The following SLC12A1 variants were observed in gnomAD, a reference collection of about 807,000 sequenced individuals.
The protein encoded by SLC12A1 is solute carrier family 12 member 1.
A neutral mutation model predicts 130.4 loss-of-function variants in SLC12A1; 89 were observed. The observed-to-expected ratio is 0.68, with a 90% CI of 0.58 to 0.81. The LOEUF is 0.81. SLC12A1 is among the 40% of genes least tolerant of loss of function. The pLI, the probability that SLC12A1 is intolerant of heterozygous loss-of-function variation, is 0.00. For synonymous variants in SLC12A1, 499 were observed against 460.0 expected (o/e 1.08, Z -1.09); for missense variants, 1,310 against 1,336.4 (o/e 0.98, Z 0.31).
chr15:48,215,338 T>C (rs2041108407), intron 2 of SLC12A1, among the ~76,000 whole-genome samples: 1 of 152,238 alleles, frequency 6.6e-6, no homozygotes, highest in South Asian at 2.1e-4. Context: ...TCCTTTCTTT[T>C]CATTTTTTAA....
At chr15:48,250,674 C>CCCCACACACACACACACA (rs750040638) in intron 14 of SLC12A1, among the ~76,000 whole-genome samples, 12 of 56,128 alleles carry the variant, frequency 2.1e-4, no homozygotes, top group African/African-American at 1.1e-3. Flanking sequence ...AAAATGTCTG[C>CCCCACACACACACACACA]CTCACACACA....
chr15:48,257,928 T>A (rs1056991476), intron 16 of SLC12A1, among the ~76,000 whole-genome samples: 2 of 151,760 alleles, frequency 1.3e-5, no homozygotes, highest in Admixed American at 6.6e-5. Context: ...TTTTTCCAAC[T>A]TTTTTGCTCT....
chr15:48,217,874 G>A (rs2041144520), intron 2 of SLC12A1: 1 of 152,468 alleles, frequency 6.6e-6, no homozygotes, highest in African/African-American at 2.4e-5. Context: ...TGGCACAACT[G>A]TGGTTCACTG....
chr15:48,259,079 A>G lies in SLC12A1; in HGVS notation c.2043-121A>G, dbSNP rs111975711. The G allele has an allele frequency of 1.8e-4, 118 of 642,334 alleles. 1 individual carries two copies. In the African/African-American group the frequency reaches 2.0e-3, roughly 11 times the overall value. 39.8% of individuals were successfully genotyped at this position (642,334 alleles called of 1,614,324 possible). ...AGAATACTGGTGCGAAACCCAAAAAATAGATAGGGGAGAGGTTGCCCCATT... is the reference window on the plus strand; with the variant it reads ...AGAATACTGGTGCGAAACCCAAAAAGTAGATAGGGGAGAGGTTGCCCCATT... On this transcript the variant is annotated intron_variant, in intron 16 of 26. Coordinates refer to ENST00000380993, the MANE Select transcript of SLC12A1 (RefSeq NM_000338.3).
intron 20 of SLC12A1, among the ~76,000 whole-genome samples, chr15:48,277,434 C>G (rs886769611): frequency 1.3e-5 from 2 of 152,044 alleles, no homozygotes; most frequent in Non-Finnish European, 2.9e-5. Context: ...GAAGATGATG[C>G]ACAATAGTCT....
At chr15:48,271,479 A>G (rs1055636462) in intron 19 of SLC12A1, among the ~76,000 whole-genome samples, 2 of 151,792 alleles carry the variant, frequency 1.3e-5, no homozygotes, top group African/African-American at 4.9e-5. Flanking sequence ...AAAGCAGGCT[A>G]TTTCTTCTAC....
chr15:48,258,168 C>T lies in SLC12A1; in HGVS notation c.2043-1032C>T, dbSNP rs945440107. Among the ~76,000 whole-genome samples the T allele has an allele frequency of 1.1e-4, 8 of 73,676 alleles. 3 individuals are homozygous for T. The highest frequency in any genetic ancestry group is 6.3e-4 in the African/African-American group (3 of 4,730). The allele number at this position is 73,676 out of a possible 152,430, so 48.3% of individuals were successfully genotyped here. On this transcript the variant is annotated intron_variant, in intron 16 of 26. Coordinates refer to ENST00000380993, the MANE Select transcript of SLC12A1 (RefSeq NM_000338.3). Reference sequence around the variant, plus strand: ...CGAGGTCAGGAGATCGAGACCATCCCGGCTAAAACGGTGAAACCCCGTCTC... The same window carrying T: ...CGAGGTCAGGAGATCGAGACCATCCTGGCTAAAACGGTGAAACCCCGTCTC...
At chr15:48,268,215 C>T (rs2141088392) in intron 18 of SLC12A1, among the ~76,000 whole-genome samples, 1 of 152,288 alleles carries the variant, frequency 6.6e-6, no homozygotes, top group East Asian at 1.9e-4. Flanking sequence ...ATCTCTACAG[C>T]TCAACCTTAA....
rs765175595 is a variant in SLC12A1, at chr15:48,220,675, C to T, written c.462C>T (p.Asn154=). The change falls in exon 3 of 27, where the codon AAC becomes AAT. Residue 154 remains asparagine (N), a synonymous_variant. Coordinates refer to ENST00000380993, the MANE Select transcript of SLC12A1 (RefSeq NM_000338.3). ...CAAGTTCAGCTGACAGAGTTGCTAA[C>T]GGTGATGGGATACCTGGAGATGAAC... is the stretch of plus-strand genomic sequence containing the variant. ...VTPSSADRVA[N]GDGIPGDEQA... is the part of the protein sequence containing the mutation. 5.5e-5 allele frequency: 89 copies of T among 1,613,388 alleles called. No individual in the cohort carries two copies. Among genetic ancestry groups the T allele is most frequent in the Non-Finnish European group, 7.0e-5 (83 of 1,179,688 alleles).
intron 13 of SLC12A1, among the ~76,000 whole-genome samples, chr15:48,248,702 A>G (rs1180254304): frequency 6.6e-6 from 1 of 152,244 alleles, no homozygotes; most frequent in African/African-American, 2.4e-5. Context: ...TGCCCAGTAA[A>G]AAATCCAGCT....
chr15:48,235,910 T>C (rs1415157834), intron 9 of SLC12A1, among the ~76,000 whole-genome samples: 1 of 152,112 alleles, frequency 6.6e-6, no homozygotes, highest in Non-Finnish European at 1.5e-5. Context: ...AGAACTTGCA[T>C]GTATCGCTCC....
intron 24 of SLC12A1, among the ~76,000 whole-genome samples, chr15:48,295,306 C>A (rs1264396534): frequency 2.0e-5 from 3 of 152,104 alleles, no homozygotes; most frequent in Non-Finnish European, 4.4e-5. Flanking sequence ...CCCTATATTT[C>A]TTTGTCTCTT....
intron 4 of SLC12A1, chr15:48,223,375 A>T (rs1009242179): frequency 2.0e-5 from 3 of 152,218 alleles, no homozygotes; most frequent in African/African-American, 7.2e-5. Context: ...CAAGAACCAC[A>T]ATTTCAGAAA....
chr15:48,208,507 C>T (rs2041010050), intron 2 of SLC12A1, among the ~76,000 whole-genome samples: 2 of 151,986 alleles, frequency 1.3e-5, no homozygotes, highest in Non-Finnish European at 2.9e-5. Context: ...GAGACAGGGT[C>T]TTGCTATGTT....
At chr15:48,224,515 ACTTTTCATTCATAGGG>A (rs2041258713) in intron 4 of SLC12A1, 1 of 152,220 alleles carries the variant, frequency 6.6e-6, no homozygotes, top group Non-Finnish European at 1.5e-5. Context: ...AAGGAAAAGG[ACTTTTCATTCATAGGG>A]TGGCAAATGC....
intron 26 of SLC12A1, among the ~76,000 whole-genome samples, chr15:48,302,076 T>G (rs577632555): frequency 6.6e-5 from 10 of 152,302 alleles, no homozygotes; most frequent in African/African-American, 2.4e-4. Flanking sequence ...TTCCAATAGA[T>G]GGTTTCTGAG....
chr15:48,244,248 G>A (rs541667658), intron 10 of SLC12A1, among the ~76,000 whole-genome samples: 12 of 152,224 alleles, frequency 7.9e-5, no homozygotes, highest in South Asian at 4.2e-4. Flanking sequence ...CATTAAAACC[G>A]CATATAATGT....
intron 24 of SLC12A1, among the ~76,000 whole-genome samples, chr15:48,296,771 A>T (rs1597462257): frequency 6.6e-6 from 1 of 152,236 alleles, no homozygotes; most frequent in Non-Finnish European, 1.5e-5. Flanking sequence ...GAAAAAAATC[A>T]GATTTAATGA....
intron 18 of SLC12A1, 22 bp downstream of exon 18, chr15:48,267,723 G>C: frequency 6.2e-7 from 1 of 1,611,882 alleles, no homozygotes; most frequent in Non-Finnish European, 8.5e-7. Context: ...TTGAGGGAAT[G>C]AGCACAGAGG....
Sources: allele counts gnomAD v4.1 joint callset (sites outside exome capture counted in the v4.1 genomes callset), GRCh38; gene constraint gnomAD v4.1.1; transcripts MANE v1.5; gene names NCBI Gene and HGNC (gene_info 2026-07-23, HGNC 2026-07-21).